The following NQO2 variants were observed in gnomAD, a reference collection of about 807,000 sequenced individuals.
NQO2 encodes the protein N-ribosyldihydronicotinamide:quinone dehydrogenase 2.
NQO2 carries 18 observed loss-of-function variants against 22.0 expected under a neutral mutation model. The ratio of observed to expected loss-of-function variants is 0.82; its 90% CI spans 0.56 to 1.21. The LOEUF (loss-of-function observed/expected upper bound fraction) is 1.21. NQO2 is among the 50% of genes most tolerant of loss of function. NQO2 has a pLI of 0.00. For synonymous variants in NQO2, 106 were observed against 110.8 expected, an observed-to-expected ratio of 0.96 and a Z score of 0.28; for missense variants, 267 against 286.9, an observed-to-expected ratio of 0.93 and a Z score of 0.50.
intron 6 of NQO2, among the ~76,000 whole-genome samples, chr6:3,018,409 G>A (rs1056835625): frequency 1.3e-5 from 2 of 152,214 alleles, no homozygotes; most frequent in Non-Finnish European, 1.5e-5. Flanking sequence ...GGAGGCTGAG[G>A]CAGCAGAATC....
rs1396153333 is a variant in NQO2 at position 3,004,901 on chromosome 6, C to T, written c.-85-1567C>T. Among the ~76,000 whole-genome samples, 8 of 152,170 alleles carry T rather than the reference C, an allele frequency of 5.3e-5. No homozygotes were observed. The South Asian group carries it at 1.2e-3, about 24-fold the overall frequency. On this transcript the variant is annotated intron_variant, in intron 1 of 6. Transcript: ENST00000380455. The stretch of plus-strand genomic sequence containing the variant: ...TTTTTTGTGTTTTTGGACAGAGTCT[C>T]GCTCTGTCTCAGCCTCCCGAGTAGC...
At position 3,019,567 on chromosome 6, in the gene NQO2, G is replaced by A. The variant is rs753616689; in HGVS notation, c.608G>A (p.Gly203Glu). 63 of 1,614,068 alleles carry A rather than the reference G, an allele frequency of 3.9e-5. No homozygotes were observed. Among genetic ancestry groups the A allele is most frequent in the Non-Finnish European group, 5.1e-5 (60 of 1,180,050 alleles). Residue 203 changes from glycine (G) to glutamate (E), a missense_variant, in exon 7 of 7, where the codon GGG (glycine) becomes GAG (glutamate). Gly to Glu is a moderately conservative substitution (Grantham distance 98). Coordinates refer to ENST00000380455, the MANE Select transcript of NQO2 (RefSeq NM_000904.6). ...ATTGCATCCGAAGAAGAAAGAAAGG[G>A]GATGGTGGCTGCGTGGTCCCAGAGG... ...PEIASEEERK[G>E]MVAAWSQRLQ...
At chr6:3,012,987 G>A (rs1022448128) in intron 4 of NQO2, among the ~76,000 whole-genome samples, 30 of 65,268 alleles carry the variant, frequency 4.6e-4, no homozygotes, top group Non-Finnish European at 8.4e-4. Context: ...ACGGAGTCTC[G>A]CTCTGTCGCC....
chr6:3,008,703 A>G (rs1275967700), intron 2 of NQO2, among the ~76,000 whole-genome samples: 1 of 152,204 alleles, frequency 6.6e-6, no homozygotes, highest in Non-Finnish European at 1.5e-5. Context: ...TATATTTCCT[A>G]AGTGTCGGCC....
In NQO2 at chr6:3,007,312, T is replaced by C. The variant is rs1022335843; in HGVS notation, c.7+753T>C. Among the ~76,000 whole-genome samples, 4 of 152,204 alleles carry C rather than the reference T, an allele frequency of 2.6e-5. No individual in the cohort carries two copies. In the East Asian group the frequency reaches 7.7e-4, roughly 29 times the overall value. ...CCTAGCAGGCACAACACTGCCCCAG[T>C]TGAGAACCATTGGTGTAGGTATTTC... is the stretch of plus-strand genomic sequence containing the variant. On this transcript the variant is annotated intron_variant, in intron 2 of 6. Coordinates refer to ENST00000380455, the MANE Select transcript of NQO2 (RefSeq NM_000904.6).
intron 2 of NQO2, among the ~76,000 whole-genome samples, chr6:3,008,152 T>C (rs1165845644): frequency 6.6e-6 from 1 of 152,192 alleles, no homozygotes; most frequent in Non-Finnish European, 1.5e-5. Flanking sequence ...GTGCTGTGGC[T>C]CATACCAGTA....
intron 6 of NQO2, 22 bp downstream of exon 6, chr6:3,017,007 C>T (rs748442896): frequency 5.6e-6 from 9 of 1,610,886 alleles, no homozygotes; most frequent in South Asian, 1.1e-5. Flanking sequence ...GCGAGTGGCT[C>T]CCTTGCTTGT....
chr6:3,002,795 CT>C, intron 1 of NQO2, among the ~76,000 whole-genome samples: 1 of 150,182 alleles, frequency 6.7e-6, no homozygotes, highest in Non-Finnish European at 1.5e-5. Flanking sequence ...TCTTTTTTTT[CT>C]TTTACTTTCT....
chr6:3,016,264 C>T (rs1757321688), intron 5 of NQO2, among the ~76,000 whole-genome samples: 1 of 151,910 alleles, frequency 6.6e-6, no homozygotes, highest in African/African-American at 2.4e-5. Flanking sequence ...AACCCCATCT[C>T]TACTAAAAAT....
At chr6:3,012,709 T>G (rs1757177506) in intron 4 of NQO2, 35 bp downstream of exon 4, 1 of 1,594,532 alleles carries the variant, frequency 6.3e-7, no homozygotes, top group African/African-American at 1.4e-5. Flanking sequence ...TTGAATCAGA[T>G]TCATCTTATG....
chr6:3,013,987 C>T (rs1300349467), intron 4 of NQO2, among the ~76,000 whole-genome samples: 1 of 152,186 alleles, frequency 6.6e-6, no homozygotes, highest in Non-Finnish European at 1.5e-5. Context: ...CCAGAATTTC[C>T]AACCAAGGGA....
chr6:3,012,079 C>A (rs180882760), intron 3 of NQO2, among the ~76,000 whole-genome samples: 8 of 152,308 alleles, frequency 5.3e-5, no homozygotes, highest in African/African-American at 1.7e-4. Flanking sequence ...ACAGACAAAT[C>A]TATCAAAAAC....
chr6:3,018,228 T>C (rs28383644), intron 6 of NQO2, among the ~76,000 whole-genome samples: 8,834 of 152,284 alleles, frequency 0.058, 423 homozygotes, highest in African/African-American at 0.13. Flanking sequence ...TGTCTGAAGC[T>C]GGGTGCGGTG....
intron 4 of NQO2, among the ~76,000 whole-genome samples, chr6:3,013,382 A>G (rs3799204): frequency 0.15 from 22,421 of 152,220 alleles, 2,553 homozygotes; most frequent in African/African-American, 0.32. Context: ...CCAGTGGTCC[A>G]AGAATCATCT....
chr6:3,011,343 C>A (rs1238752853), intron 3 of NQO2, among the ~76,000 whole-genome samples: 2 of 152,014 alleles, frequency 1.3e-5, no homozygotes, highest in African/African-American at 2.4e-5. Context: ...CTCTCAACAG[C>A]AGAATGGATG....
At position 3,009,440 on chromosome 6, in the gene NQO2, A is replaced by G. The variant is rs552356087; in HGVS notation, c.8-585A>G. The stretch of plus-strand genomic sequence containing the variant: ...TGCAAACAATTTGTGCAGTTAACAC[A>G]ATCATCACAGGGTCCTGAGGCAATA... On this transcript the variant is annotated intron_variant, in intron 2 of 6. Transcript: ENST00000380455. Among the ~76,000 whole-genome samples, 10 of 152,328 alleles carry G rather than the reference A, an allele frequency of 6.6e-5. No homozygotes were observed. The East Asian group carries it at 1.9e-3, about 29-fold the overall frequency.
intron 3 of NQO2, 128 bp from the exon 4 acceptor site, chr6:3,012,415 TC>T: frequency 1.3e-6 from 2 of 1,481,562 alleles, no homozygotes; most frequent in African/African-American, 2.8e-5. Flanking sequence ...GGGTGCAGCT[TC>T]TGGTCAGGTT....
intron 4 of NQO2, chr6:3,014,999 C>T (rs1757273178): frequency 4.4e-6 from 4 of 899,022 alleles, no homozygotes; most frequent in Non-Finnish European, 6.3e-6. Flanking sequence ...ATGTTTATTT[C>T]CCTTCCCAGG....
Position 3,019,687 on chromosome 6 carries a change from A to G in NQO2, c.*32A>G. On this transcript the variant is annotated 3_prime_UTR_variant, in exon 7 of 7. Transcript: ENST00000380455. ...GGCACGTGGGCATCACGTAAGCAGCACACTAGGAGGCCCAGGCGCAGGCAA... is the reference window on the plus strand; with the variant it reads ...GGCACGTGGGCATCACGTAAGCAGCGCACTAGGAGGCCCAGGCGCAGGCAA... The G allele has an allele frequency of 1.3e-6, 2 of 1,543,204 alleles. No homozygotes were observed. Among genetic ancestry groups the G allele is most frequent in the Non-Finnish European group, 1.8e-6 (2 of 1,140,058 alleles).
Sources: gnomAD v4.1 joint callset for allele counts (sites outside exome capture counted in the v4.1 genomes callset) on GRCh38, gnomAD v4.1.1 for gene constraint, MANE v1.5 for transcripts, NCBI Gene and HGNC (gene_info 2026-07-23, HGNC 2026-07-21) for gene names.